STARD13: variants seen among roughly 807,000 people sequenced by gnomAD.
STARD13 encodes the protein StAR related lipid transfer domain containing 13.
In STARD13, 62 loss-of-function variants were observed where a neutral mutation model predicts 106.4. The observed-to-expected ratio is 0.58, with a 90% confidence interval of 0.48 to 0.72. The LOEUF (loss-of-function observed/expected upper bound fraction) is 0.72. STARD13 is among the 30% of genes least tolerant of loss of function. The probability of loss-of-function intolerance (pLI) is 0.00; values close to 1 mark genes in which losing one functional copy is unlikely to be tolerated. For missense variants in STARD13, 1,387 were observed against 1,424.0 expected (o/e 0.97, Z 0.42); for synonymous variants, 565 against 553.0 (o/e 1.02, Z -0.31).
the STARD13 span, among the ~76,000 whole-genome samples, chr13:33,374,171 G>A: frequency 3.6e-4 from 55 of 152,244 alleles, no homozygotes; most frequent in Non-Finnish European, 6.5e-4. Flanking sequence ...TATACTAAGT[G>A]AAATAAGCTA....
the STARD13 span, among the ~76,000 whole-genome samples, chr13:33,549,538 A>G: frequency 3.3e-5 from 5 of 152,352 alleles, no homozygotes; most frequent in Middle Eastern, 0.01. Context: ...TAGTCCTTCA[A>G]TAAGCCCATC....
chr13:33,602,651 G>A, the STARD13 span, among the ~76,000 whole-genome samples: 5 of 152,280 alleles, frequency 3.3e-5, no homozygotes, highest in South Asian at 8.3e-4. Flanking sequence ...GCCATGGACC[G>A]GTCTGTGGCC....
At chr13:33,655,993 C>T in the STARD13 span, among the ~76,000 whole-genome samples, 136 of 152,348 alleles carry the variant, frequency 8.9e-4, 2 homozygotes, top group African/African-American at 2.4e-3. Flanking sequence ...CTCTGGTCCA[C>T]ACCAGCCATG....
upstream of STARD13, among the ~76,000 whole-genome samples, chr13:33,288,051 T>C (rs1475199982): frequency 6.6e-6 from 1 of 152,032 alleles, no homozygotes; most frequent in African/African-American, 2.4e-5. Flanking sequence ...ACAAGTGGAA[T>C]GATTCTTCCT....
At chr13:33,296,372 ATCAG>A (rs1892494883) in intron 1 of STARD13, among the ~76,000 whole-genome samples, 1 of 152,178 alleles carries the variant, frequency 6.6e-6, no homozygotes, top group African/African-American at 2.4e-5. Flanking sequence ...TACAATCTTT[ATCAG>A]TCAATTAAAT....
chr13:33,623,339 T>C, the STARD13 span, among the ~76,000 whole-genome samples: 1 of 150,636 alleles, frequency 6.6e-6, no homozygotes, highest in Admixed American at 6.6e-5. Flanking sequence ...ATACAAAATA[T>C]TTTTCAACTT....
intron 2 of STARD13, 131 bp downstream of exon 2, chr13:33,167,420 G>C: frequency 3.6e-6 from 3 of 826,854 alleles, no homozygotes; most frequent in Non-Finnish European, 5.8e-6. Flanking sequence ...TAGCAAAAAG[G>C]CCGAGGGAAA....
chr13:33,298,526 C>T (rs1007225787), intron 1 of STARD13, among the ~76,000 whole-genome samples: 1 of 152,016 alleles, frequency 6.6e-6, no homozygotes, highest in Non-Finnish European at 1.5e-5. Context: ...CCAAACCACG[C>T]ACCACCTTTA....
At chr13:33,350,552 G>T in exon 1 of STARD13, 4 of 1,427,530 alleles carry the variant, frequency 2.8e-6, no homozygotes. Context: ...GCGCGACATG[G>T]GTCGGTCCGG....
upstream of STARD13, among the ~76,000 whole-genome samples, chr13:33,353,123 A>T (rs1216387380): frequency 6.6e-6 from 1 of 151,914 alleles, no homozygotes; most frequent in Non-Finnish European, 1.5e-5. Flanking sequence ...ACATACCCTC[A>T]ATCTCTGCCT....
At position 33,106,912 on chromosome 13, in the gene STARD13, T is replaced by C; in HGVS notation, c.3070A>G (p.Lys1024Glu). Residue 1024 changes from lysine to glutamate, a missense_variant, in exon 13 of 14, where the codon AAA becomes GAA. Coordinates refer to ENST00000336934, the MANE Select transcript of STARD13 (RefSeq NM_178006.4). ...VLRTWKTDLP[K>E]GMCTLVSLSV... Reference sequence around the variant, plus strand: ...AGGGACACCAGGGTACACATTCCTTTGGGCAAATCAGTTTTCCAGGTCCTG... The same window carrying C: ...AGGGACACCAGGGTACACATTCCTTCGGGCAAATCAGTTTTCCAGGTCCTG... 1 of 1,613,382 alleles carries C rather than the reference T, an allele frequency of 6.2e-7. No homozygotes were observed. Among genetic ancestry groups the C allele is most frequent in the Non-Finnish European group, 8.5e-7 (1 of 1,179,624 alleles).
chr13:33,162,123 A>C (rs1882701941), intron 3 of STARD13, among the ~76,000 whole-genome samples: 1 of 152,186 alleles, frequency 6.6e-6, no homozygotes, highest in Non-Finnish European at 1.5e-5. Flanking sequence ...TTTCAAAACC[A>C]GTCATGCCTT....
chr13:33,538,160 T>C, the STARD13 span, among the ~76,000 whole-genome samples: 2 of 152,130 alleles, frequency 1.3e-5, no homozygotes, highest in South Asian at 2.1e-4. Flanking sequence ...CGTGAAGAAC[T>C]AGGGAAATCT....
chr13:33,247,287 G>C (rs1429085093), intron 1 of STARD13, among the ~76,000 whole-genome samples: 1 of 152,112 alleles, frequency 6.6e-6, no homozygotes, highest in Non-Finnish European at 1.5e-5. Context: ...GGCTTGGTTT[G>C]TCTGGAGCCA....
chr13:33,360,204 C>A, the STARD13 span, among the ~76,000 whole-genome samples: 1 of 140,272 alleles, frequency 7.1e-6, no homozygotes, highest in South Asian at 2.4e-4. Flanking sequence ...CAAAGGCAGT[C>A]GATTTTTTTT....
the STARD13 span, among the ~76,000 whole-genome samples, chr13:33,665,339 A>C: frequency 6.6e-6 from 1 of 152,202 alleles, no homozygotes; most frequent in South Asian, 2.1e-4. Context: ...AATCCAAATA[A>C]ACTTTTGACC....
At chr13:33,453,344 G>A in the STARD13 span, among the ~76,000 whole-genome samples, 1 of 152,180 alleles carries the variant, frequency 6.6e-6, no homozygotes, top group Non-Finnish European at 1.5e-5. Context: ...CCAAGTTCTG[G>A]ACACATCGCC....
chr13:33,324,270 G>A (rs900029244), intron 1 of STARD13, among the ~76,000 whole-genome samples: 2 of 152,212 alleles, frequency 1.3e-5, no homozygotes, highest in African/African-American at 4.8e-5. Context: ...GCTAAGGGGT[G>A]TGAACGGTGC....
chr13:33,617,841 C>T, the STARD13 span, among the ~76,000 whole-genome samples: 4 of 152,040 alleles, frequency 2.6e-5, no homozygotes, highest in Non-Finnish European at 5.9e-5. Flanking sequence ...ACAGATAAGA[C>T]GATGCATATG....
Sources: gnomAD v4.1 joint callset for allele counts (sites outside exome capture counted in the v4.1 genomes callset) on GRCh38, gnomAD v4.1.1 for gene constraint, MANE v1.5 for transcripts, NCBI Gene and HGNC (gene_info 2026-07-23, HGNC 2026-07-21) for gene names.